The following ALKBH8 variants were observed in gnomAD, a reference collection of about 807,000 sequenced individuals.
The protein encoded by ALKBH8 is alkB homolog 8, tRNA methyltransferase, also known as tRNA (carboxymethyluridine(34)-5-O)-methyltransferase ALKBH8.
ALKBH8 carries 36 observed loss-of-function variants against 59.8 expected under a neutral mutation model. That is an observed-to-expected ratio of 0.60 (90% CI 0.46 to 0.79). The LOEUF (loss-of-function observed/expected upper bound fraction) is 0.79. ALKBH8 is among the 30% of genes least tolerant of loss of function. ALKBH8 has a pLI of 0.00. For missense variants in ALKBH8, 768 were observed against 801.0 expected (o/e 0.96, Z 0.50); for synonymous variants, 276 against 273.6 (o/e 1.01, Z -0.09).
intron 7 of ALKBH8, among the ~76,000 whole-genome samples, chr11:107,547,556 A>T (rs1359490429): frequency 6.6e-6 from 1 of 152,234 alleles, no homozygotes; most frequent in East Asian, 1.9e-4. Context: ...GCCAGGAAAG[A>T]AATATTATTA....
At chr11:107,562,635 G>C (rs1864982360) in intron 1 of ALKBH8, 2 of 152,040 alleles carry the variant, frequency 1.3e-5, no homozygotes, top group Admixed American at 6.6e-5. Context: ...CTTTAGTATA[G>C]AAGACAAATG....
At chr11:107,558,937 G>A (rs775848024) in intron 2 of ALKBH8, among the ~76,000 whole-genome samples, 6 of 152,102 alleles carry the variant, frequency 3.9e-5, no homozygotes, top group Non-Finnish European at 5.9e-5. Flanking sequence ...ATGGTTTGGC[G>A]TGTCCCCACC....
At chr11:107,543,272 T>G (rs1416854654) in intron 7 of ALKBH8, among the ~76,000 whole-genome samples, 1 of 150,184 alleles carries the variant, frequency 6.7e-6, no homozygotes, top group Non-Finnish European at 1.5e-5. Context: ...GAGGCGGAGG[T>G]TGCAGTGAGC....
intron 7 of ALKBH8, among the ~76,000 whole-genome samples, chr11:107,534,113 G>A (rs1348609967): frequency 6.6e-6 from 1 of 152,082 alleles, no homozygotes; most frequent in Non-Finnish European, 1.5e-5. Context: ...CTGGGAAACA[G>A]AGCGAGACAC....
At chr11:107,548,754 T>C (rs1285430984) in intron 7 of ALKBH8, among the ~76,000 whole-genome samples, 2 of 152,152 alleles carry the variant, frequency 1.3e-5, no homozygotes, top group Non-Finnish European at 2.9e-5. Flanking sequence ...TGAATAGTTT[T>C]TGCCTCCAGG....
At chr11:107,513,606 C>A (rs1862730305) in intron 10 of ALKBH8, among the ~76,000 whole-genome samples, 1 of 152,178 alleles carries the variant, frequency 6.6e-6, no homozygotes, top group African/African-American at 2.4e-5. Flanking sequence ...TTCACTGCAG[C>A]ATTATTCACA....
At chr11:107,542,132 G>A (rs1447225100) in intron 7 of ALKBH8, among the ~76,000 whole-genome samples, 1 of 152,000 alleles carries the variant, frequency 6.6e-6, no homozygotes, top group Non-Finnish European at 1.5e-5. Flanking sequence ...AAGAAAGAAT[G>A]GGGGCAGGGG....
intron 7 of ALKBH8, among the ~76,000 whole-genome samples, chr11:107,543,261 G>A (rs1277904174): frequency 4.6e-5 from 7 of 151,892 alleles, no homozygotes; most frequent in Non-Finnish European, 7.4e-5. Context: ...GCTTGAACCC[G>A]GAGGCGGAGG....
At chr11:107,517,521 T>C (rs1862915453) in intron 10 of ALKBH8, among the ~76,000 whole-genome samples, 1 of 152,188 alleles carries the variant, frequency 6.6e-6, no homozygotes, top group Non-Finnish European at 1.5e-5. Context: ...AATCTAAATA[T>C]CCATCAATGG....
intron 9 of ALKBH8, among the ~76,000 whole-genome samples, chr11:107,523,743 C>T (rs1409961632): frequency 6.6e-6 from 1 of 151,500 alleles, no homozygotes. Flanking sequence ...GCTGGGATTA[C>T]AGGCGTGTGC....
chr11:107,503,840 A>G lies in ALKBH8; in HGVS notation c.*818T>C, dbSNP rs1213897899. 6.6e-6 allele frequency: 1 copy of G among 152,218 alleles called. No homozygotes were observed. The highest frequency in any genetic ancestry group is 1.5e-5 in the Non-Finnish European group (1 of 68,040). The allele number at this position is 152,218 out of a possible 1,614,324, so 9.4% of individuals were successfully genotyped here. A position where few individuals can be genotyped will look rare whatever the true frequency, so the allele number is the denominator to read the frequency against. On this transcript the variant is annotated 3_prime_UTR_variant, in exon 12 of 12. Transcript: ENST00000428149. Reference sequence around the variant, plus strand: ...TTGGAATACCAATTAACTCTTGATAATAAATTAGTCAGGATTAGTAGTTAT... The same window carrying G: ...TTGGAATACCAATTAACTCTTGATAGTAAATTAGTCAGGATTAGTAGTTAT...
intron 8 of ALKBH8, among the ~76,000 whole-genome samples, chr11:107,530,164 C>T (rs972353105): frequency 2.0e-5 from 3 of 152,164 alleles, no homozygotes; most frequent in African/African-American, 7.2e-5. Context: ...ATTGCATCAG[C>T]CAAATAGAAA....
intron 9 of ALKBH8, among the ~76,000 whole-genome samples, chr11:107,525,176 A>G (rs1027447309): frequency 7.2e-5 from 11 of 152,218 alleles, no homozygotes; most frequent in African/African-American, 1.9e-4. Flanking sequence ...TGTTACTTCA[A>G]TAAGTAAAAC....
intron 10 of ALKBH8, among the ~76,000 whole-genome samples, chr11:107,518,313 A>C (rs1862956085): frequency 6.6e-6 from 1 of 152,226 alleles, no homozygotes; most frequent in Admixed American, 6.5e-5. Flanking sequence ...AGGTATTTTT[A>C]GACTCAGAGT....
intron 11 of ALKBH8, among the ~76,000 whole-genome samples, chr11:107,507,237 G>A (rs1486318780): frequency 6.6e-6 from 1 of 152,118 alleles, no homozygotes; most frequent in Non-Finnish European, 1.5e-5. Context: ...CTTAGCCTTA[G>A]ATAATGCCTT....
rs1303751282 is a variant in ALKBH8, at chr11:107,565,648, T to C, written c.-54A>G. 1 of 1,535,706 alleles carries C rather than the reference T, an allele frequency of 6.5e-7. No individual in the cohort carries two copies. Among genetic ancestry groups the C allele is most frequent in the South Asian group, 1.2e-5 (1 of 84,058 alleles). Reference sequence around the variant, plus strand: ...TTCTCACCATGCGTGTGCCTTCTTCTTTGCCAGCCTCTCCACTCTAGCACC... The same window carrying C: ...TTCTCACCATGCGTGTGCCTTCTTCCTTGCCAGCCTCTCCACTCTAGCACC... On this transcript the variant is annotated 5_prime_UTR_variant, in exon 1 of 12. Coordinates refer to ENST00000428149, the MANE Select transcript of ALKBH8 (RefSeq NM_138775.3).
chr11:107,557,835 A>G (rs181546002), intron 2 of ALKBH8, among the ~76,000 whole-genome samples: 192 of 152,322 alleles, frequency 1.3e-3, no homozygotes, highest in South Asian at 9.3e-3. Context: ...TCTAGCACCC[A>G]TATAGTCTCT....
At chr11:107,550,764 G>T (rs977734225) in intron 6 of ALKBH8, among the ~76,000 whole-genome samples, 8 of 152,120 alleles carry the variant, frequency 5.3e-5, no homozygotes, top group Non-Finnish European at 1.2e-4. Context: ...TAAGTGTGGG[G>T]CCCTAATCTT....
intron 7 of ALKBH8, among the ~76,000 whole-genome samples, chr11:107,545,354 T>C (rs562471499): frequency 2.6e-5 from 4 of 152,196 alleles, no homozygotes; most frequent in Non-Finnish European, 4.4e-5. Flanking sequence ...AGACTGGGAA[T>C]ACAAAACAAA....
Sources: allele counts gnomAD v4.1 joint callset (sites outside exome capture counted in the v4.1 genomes callset), GRCh38; gene constraint gnomAD v4.1.1; transcripts MANE v1.5; gene names NCBI Gene and HGNC (gene_info 2026-07-23, HGNC 2026-07-21).